SLC67A1: variants seen among roughly 807,000 people sequenced by gnomAD.
SLC67A1 encodes solute carrier family 67 member 1.
At chr11:2,903,044 G>T in the SLC67A1 span, 1 of 426,220 alleles carries the variant, frequency 2.3e-6, no homozygotes, top group Non-Finnish European at 3.9e-6. Context: ...CCACCTGCAG[G>T]GGTCGGGGGG....
chr11:2,908,208 C>T, the SLC67A1 span: 1 of 1,571,726 alleles, frequency 6.4e-7, no homozygotes, highest in Non-Finnish European at 8.8e-7. Flanking sequence ...CCAGCCCCTC[C>T]CCCGGGCTCC....
At chr11:2,922,988 A>G in the SLC67A1 span, among the ~76,000 whole-genome samples, 1 of 152,260 alleles carries the variant, frequency 6.6e-6, no homozygotes, top group South Asian at 2.1e-4. Flanking sequence ...CAGTAATTAA[A>G]TCCAGGAATC....
chr11:2,907,367 C>T, the SLC67A1 span, among the ~76,000 whole-genome samples: 1 of 152,326 alleles, frequency 6.6e-6, no homozygotes, highest in South Asian at 2.1e-4. This position sits in a 1 kb window ranked among gnomAD's most constrained non-coding sequence, Gnocchi z 6.7. Context: ...GGGGAGGATC[C>T]TTCCCACCTC....
At chr11:2,906,713 C>T in the SLC67A1 span, among the ~76,000 whole-genome samples, 3 of 112,598 alleles carry the variant, frequency 2.7e-5, no homozygotes, top group East Asian at 2.2e-4. Context: ...TGGGGCCTGT[C>T]GTGGGGTGGG....
At chr11:2,919,767 G>A in the SLC67A1 span, 1 of 265,672 alleles carries the variant, frequency 3.8e-6, no homozygotes, top group Non-Finnish European at 7.2e-6. Context: ...GACCTAACGT[G>A]GCAAAGTGGT....
At chr11:2,909,607 G>A in the SLC67A1 span, 1 of 1,531,532 alleles carries the variant, frequency 6.5e-7, no homozygotes, top group South Asian at 1.2e-5. Flanking sequence ...GGACCTGTCG[G>A]CACCCGAGGA....
At chr11:2,914,371 G>T in the SLC67A1 span, among the ~76,000 whole-genome samples, 1 of 152,304 alleles carries the variant, frequency 6.6e-6, no homozygotes, top group African/African-American at 2.4e-5. Context: ...TCCAGTCAAT[G>T]GTCCCGGGGG....
At chr11:2,905,351 C>T in the SLC67A1 span, among the ~76,000 whole-genome samples, 2 of 152,172 alleles carry the variant, frequency 1.3e-5, no homozygotes, top group Non-Finnish European at 2.9e-5. Context: ...ACTGTCACTC[C>T]AGTGGGAGGC....
chr11:2,920,344 A>G, the SLC67A1 span: 1 of 152,346 alleles, frequency 6.6e-6, no homozygotes, highest in Non-Finnish European at 1.5e-5. Flanking sequence ...CAACAATAAT[A>G]GTAACAATCC....
At chr11:2,917,773 G>T in the SLC67A1 span, among the ~76,000 whole-genome samples, 3 of 152,260 alleles carry the variant, frequency 2.0e-5, no homozygotes, top group Non-Finnish European at 4.4e-5. Context: ...GGGCCCCTAG[G>T]AATGCGTAGA....
the SLC67A1 span, chr11:2,919,320 C>T: frequency 6.2e-7 from 1 of 1,613,596 alleles, no homozygotes. Flanking sequence ...TCTTCATGGT[C>T]ATGTTCTCCA....
the SLC67A1 span, chr11:2,915,295 G>GCA: frequency 2.2e-6 from 2 of 916,450 alleles, no homozygotes; most frequent in South Asian, 5.4e-5. Context: ...GTGTGTGTGT[G>GCA]TGCGCATGTG....
At chr11:2,918,413 G>C in the SLC67A1 span, among the ~76,000 whole-genome samples, 1 of 152,246 alleles carries the variant, frequency 6.6e-6, no homozygotes, top group African/African-American at 2.4e-5. Flanking sequence ...TGCAGGGACA[G>C]CAGGTCTGAG....
At chr11:2,915,922 T>C in the SLC67A1 span, among the ~76,000 whole-genome samples, 1 of 152,234 alleles carries the variant, frequency 6.6e-6, no homozygotes, top group East Asian at 1.9e-4. Context: ...CAGGCCAAGT[T>C]TCCAGGTGGG....
chr11:2,909,955 G>A, the SLC67A1 span: 1 of 452,948 alleles, frequency 2.2e-6, no homozygotes. Flanking sequence ...CTGCCAAGCT[G>A]TCCACGCACA....
the SLC67A1 span, among the ~76,000 whole-genome samples, chr11:2,906,841 G>A: frequency 6.6e-6 from 1 of 151,062 alleles, no homozygotes; most frequent in Admixed American, 6.6e-5. Flanking sequence ...TTGTGTACAT[G>A]TACCCTAGAA....
the SLC67A1 span, chr11:2,902,758 T>C: frequency 1.0e-6 from 1 of 984,994 alleles, no homozygotes; most frequent in African/African-American, 1.7e-5. Flanking sequence ...GGCTGAGCTA[T>C]GTCTCCCCTA....
the SLC67A1 span, among the ~76,000 whole-genome samples, chr11:2,900,692 CAAAAAAAA>C: frequency 8.6e-3 from 513 of 59,654 alleles, 5 homozygotes; most frequent in African/African-American, 0.028. Context: ...GACTCCGTCT[CAAAAAAAA>C]AAAAAAAAAA....
the SLC67A1 span, chr11:2,903,710 G>C: frequency 3.4e-6 from 2 of 591,968 alleles, no homozygotes; most frequent in South Asian, 4.1e-5. Flanking sequence ...CCAGCCCCGG[G>C]AGAAGCCATG....
Sources: gnomAD v4.1 joint callset for allele counts (sites outside exome capture counted in the v4.1 genomes callset) on GRCh38, gnomAD v4.1.1 for gene constraint, Gnocchi (gnomAD v3.1) non-coding constraint, MANE v1.5 for transcripts, NCBI Gene and HGNC (gene_info 2026-07-23, HGNC 2026-07-21) for gene names.